ADSL: variants seen among roughly 807,000 people sequenced by gnomAD.
ADSL encodes adenylosuccinase.
In ADSL, 44 loss-of-function variants were observed where a neutral mutation model predicts 62.1. The observed-to-expected ratio is 0.71, with a 90% CI of 0.56 to 0.91. The LOEUF is 0.91. Ranked by LOEUF, ADSL falls within the 40% of genes least tolerant of loss-of-function variation. The pLI is 0.00. For synonymous variants in ADSL, 198 were observed against 220.5 expected, an observed-to-expected ratio of 0.90 and a Z score of 0.90; for missense variants, 531 against 627.4, an observed-to-expected ratio of 0.85 and a Z score of 1.64.
At chr22:40,348,671 T>G in intron 1 of ADSL, 1 of 398,546 alleles carries the variant, frequency 2.5e-6, no homozygotes, top group Non-Finnish European at 4.4e-6. Flanking sequence ...CTGGCCTGAC[T>G]TTTTACTTAT....
chr22:40,379,150 C>T (rs561615434), intron 2 of ADSL, among the ~76,000 whole-genome samples: 1 of 152,348 alleles, frequency 6.6e-6, no homozygotes, highest in South Asian at 2.1e-4. Flanking sequence ...TCTTTCCCCT[C>T]TAGAATGCTG....
intron 4 of ADSL, 29 bp from the exon 5 acceptor site, chr22:40,358,835 A>G (rs1483007421): frequency 1.9e-6 from 3 of 1,613,100 alleles, no homozygotes; most frequent in African/African-American, 2.7e-5. Context: ...TCGGTCTGAG[A>G]CTTTCGTGTG....
intron 11 of ADSL, chr22:40,364,620 G>A: frequency 1.6e-6 from 1 of 627,986 alleles, no homozygotes; most frequent in Non-Finnish European, 2.8e-6. Context: ...TGTAGGAAAT[G>A]AGCAGGAAAC....
At chr22:40,365,173 A>C (rs779662521) in intron 12 of ADSL, 117 bp downstream of exon 12, 5 of 1,143,794 alleles carry the variant, frequency 4.4e-6, no homozygotes, top group Non-Finnish European at 6.5e-6. Flanking sequence ...AAATCAGAGC[A>C]GGTTGCTGGC....
In ADSL at chr22:40,349,823, A is replaced by G. The variant is rs762257005; in HGVS notation, c.154-9A>G. Reference sequence around the variant, plus strand: ...GAGACTATTTTATTTTATTTTGCCTATTCTGCAGACATTGGGTTTGCCTAT... The same window carrying G: ...GAGACTATTTTATTTTATTTTGCCTGTTCTGCAGACATTGGGTTTGCCTAT... On this transcript the variant is annotated splice_polypyrimidine_tract_variant and intron_variant, in intron 1 of 12. Coordinates refer to ENST00000623063, the MANE Select transcript of ADSL (RefSeq NM_000026.4). 3.1e-6 allele frequency: 5 copies of G among 1,612,636 alleles called. No individual in the cohort carries two copies. In the East Asian group the frequency reaches 8.9e-5, roughly 29 times the overall value.
At chr22:40,377,386 C>T (rs776546650) in intron 2 of ADSL, among the ~76,000 whole-genome samples, 32 of 152,356 alleles carry the variant, frequency 2.1e-4, no homozygotes, top group Non-Finnish European at 4.0e-4. Flanking sequence ...TTGTTTTCAA[C>T]GAGCTGAGTC....
intron 6 of ADSL, 116 bp downstream of exon 6, chr22:40,359,422 CAT>C: frequency 1.1e-6 from 1 of 924,174 alleles, no homozygotes; most frequent in Admixed American, 1.8e-5. Context: ...TTCTTCTACC[CAT>C]TTTTTTTTTT....
intron 10 of ADSL, among the ~76,000 whole-genome samples, chr22:40,363,609 G>T (rs1475670503): frequency 6.6e-6 from 1 of 152,010 alleles, no homozygotes; most frequent in Non-Finnish European, 1.5e-5. Context: ...GTTGGCGGGT[G>T]CCTGTAATCC....
chr22:40,348,868 C>T (rs1459131653), intron 1 of ADSL: 32 of 333,304 alleles, frequency 9.6e-5, no homozygotes, highest in East Asian at 6.8e-4. Flanking sequence ...ATCTAAGTTC[C>T]GAGCTGCCTG....
chr22:40,360,268 T>C, intron 6 of ADSL, 134 bp from the exon 7 acceptor site: 3 of 707,368 alleles, frequency 4.2e-6, no homozygotes, highest in Non-Finnish European at 7.7e-6. Flanking sequence ...CCAGTGATGC[T>C]TAGGCTGGCC....
chr22:40,378,549 C>T (rs141376879), intron 2 of ADSL, among the ~76,000 whole-genome samples: 4 of 151,888 alleles, frequency 2.6e-5, no homozygotes, highest in African/African-American at 7.2e-5. Flanking sequence ...GCCTACATGG[C>T]GAAACCCCAT....
chr22:40,348,595 G>C (rs373448520), intron 1 of ADSL: 1 of 398,362 alleles, frequency 2.5e-6, no homozygotes, highest in African/African-American at 2.1e-5. Context: ...TTTCCAGTGC[G>C]GTCTAGAACT....
In ADSL at chr22:40,346,826, C is replaced by T. The variant is rs1336020723; in HGVS notation, c.153+115C>T. On this transcript the variant is annotated intron_variant, in intron 1 of 12. Coordinates refer to ENST00000623063, the MANE Select transcript of ADSL (RefSeq NM_000026.4). Reference sequence around the variant, plus strand: ...CCCGGAGCTGCGGCCCGGCTATTTTCAGCTGGGTGTTCCCTGTCCTGAGGA... The same window carrying T: ...CCCGGAGCTGCGGCCCGGCTATTTTTAGCTGGGTGTTCCCTGTCCTGAGGA... 9 of 1,164,604 alleles carry T rather than the reference C, an allele frequency of 7.7e-6. No individual in the cohort carries two copies. In the Admixed American group the frequency reaches 1.4e-4, roughly 18 times the overall value. The allele number at this position is 1,164,604 out of a possible 1,614,324, so 72.1% of individuals were successfully genotyped here. A position where few individuals can be genotyped will look rare whatever the true frequency, so the allele number is the denominator to read the frequency against.
intron 1 of ADSL, among the ~76,000 whole-genome samples, chr22:40,347,006 A>T (rs2146614538): frequency 6.6e-6 from 1 of 152,344 alleles, no homozygotes; most frequent in South Asian, 2.1e-4. Context: ...CCGCAGGAGT[A>T]CGCTGCTAAC....
chr22:40,360,515 G>T, intron 7 of ADSL, 23 bp downstream of exon 7: 1 of 1,583,610 alleles, frequency 6.3e-7, no homozygotes, highest in Non-Finnish European at 8.7e-7. Flanking sequence ...AGCATGTGGG[G>T]TGGGGACAGG....
At chr22:40,358,693 G>A (rs1337313810) in intron 4 of ADSL, among the ~76,000 whole-genome samples, 171 bp from the exon 5 acceptor site, 3 of 152,156 alleles carry the variant, frequency 2.0e-5, no homozygotes, top group Non-Finnish European at 2.9e-5. Context: ...TCTCCGTAAC[G>A]ATTATTTGGT....
At chr22:40,373,003 C>G (rs1037759259), downstream of ADSL, 1 of 152,168 alleles carries the variant, frequency 6.6e-6, no homozygotes, top group African/African-American at 2.4e-5. Context: ...AAAAAAAGAT[C>G]CTGTTTCTTT....
At chr22:40,360,567 T>G in intron 7 of ADSL, 75 bp downstream of exon 7, 1 of 1,033,686 alleles carries the variant, frequency 9.7e-7, no homozygotes. Flanking sequence ...CCTCAGACTT[T>G]TACTTAACCA....
At chr22:40,385,451 GAA>G (rs2048262072) in intron 2 of ADSL, among the ~76,000 whole-genome samples, 1 of 152,160 alleles carries the variant, frequency 6.6e-6, no homozygotes. Flanking sequence ...ATGCACAAAG[GAA>G]AAGAGTATAA....
Sources: allele counts gnomAD v4.1 joint callset (sites outside exome capture counted in the v4.1 genomes callset), GRCh38; gene constraint gnomAD v4.1.1; transcripts MANE v1.5; gene names NCBI Gene and HGNC (gene_info 2026-07-23, HGNC 2026-07-21).